LRRTM3: variants seen among roughly 807,000 people sequenced by gnomAD.
The protein encoded by LRRTM3 is leucine-rich repeat transmembrane neuronal protein 3.
Under a neutral mutation model 44.7 loss-of-function variants are expected in LRRTM3, and 24 were observed. The ratio of observed to expected loss-of-function variants is 0.54; its 90% confidence interval spans 0.39 to 0.76. The LOEUF (loss-of-function observed/expected upper bound fraction) is 0.76. Ranked by LOEUF, LRRTM3 falls within the 30% of genes least tolerant of loss-of-function variation. LRRTM3 has a pLI of 0.00. For synonymous variants in LRRTM3, 277 were observed against 278.7 expected (o/e 0.99, Z 0.06); for missense variants, 587 against 702.2 (o/e 0.84, Z 1.85).
At chr10:67,054,972 C>G (rs1278581885) in intron 2 of LRRTM3, 4 of 151,916 alleles carry the variant, frequency 2.6e-5, no homozygotes, top group Non-Finnish European at 4.4e-5. Context: ...TATACAATAA[C>G]TTTCCTCCAA....
intron 2 of LRRTM3, among the ~76,000 whole-genome samples, chr10:67,077,535 C>T (rs1856802456): frequency 6.6e-6 from 1 of 152,136 alleles, no homozygotes; most frequent in Non-Finnish European, 1.5e-5. Context: ...GTTACCTTGG[C>T]TTGAAGCATG....
At chr10:67,006,586 T>A (rs1852005989) in intron 2 of LRRTM3, among the ~76,000 whole-genome samples, 1 of 152,200 alleles carries the variant, frequency 6.6e-6, no homozygotes, top group African/African-American at 2.4e-5. Context: ...AAGTCTCAAT[T>A]ATTTAAGAGA....
intron 2 of LRRTM3, among the ~76,000 whole-genome samples, chr10:67,069,947 G>A (rs1856344500): frequency 6.6e-6 from 1 of 152,056 alleles, no homozygotes; most frequent in Admixed American, 6.6e-5. Context: ...GAATTACTGG[G>A]TCATGGGATA....
At chr10:66,972,195 T>C (rs1849759238) in intron 2 of LRRTM3, among the ~76,000 whole-genome samples, 2 of 152,216 alleles carry the variant, frequency 1.3e-5, no homozygotes, top group South Asian at 4.1e-4. Flanking sequence ...TTCACTGGAA[T>C]GAACAAAGAT....
At chr10:67,029,411 G>A (rs1350888887) in intron 2 of LRRTM3, among the ~76,000 whole-genome samples, 1 of 152,134 alleles carries the variant, frequency 6.6e-6, no homozygotes, top group Non-Finnish European at 1.5e-5. Flanking sequence ...ATAAAGAGAG[G>A]TTAAAGCAGT....
chr10:67,070,278 G>A (rs1856367392), intron 2 of LRRTM3, among the ~76,000 whole-genome samples: 1 of 151,978 alleles, frequency 6.6e-6, no homozygotes, highest in Admixed American at 6.6e-5. Context: ...ATTTGCAGGA[G>A]TTCTTATGTA....
chr10:66,989,911 T>C (rs910090886), intron 2 of LRRTM3, among the ~76,000 whole-genome samples: 1 of 152,128 alleles, frequency 6.6e-6, no homozygotes, highest in African/African-American at 2.4e-5. Flanking sequence ...GTTCCTGGCA[T>C]TTAGTGTTCA....
intron 2 of LRRTM3, among the ~76,000 whole-genome samples, chr10:66,958,981 T>G (rs1166259061): frequency 6.6e-6 from 1 of 152,138 alleles, no homozygotes; most frequent in Non-Finnish European, 1.5e-5. Context: ...AGAGTGTAAA[T>G]GAATTATCTC....
intron 2 of LRRTM3, among the ~76,000 whole-genome samples, chr10:66,970,909 A>T (rs750069214): frequency 3.9e-5 from 6 of 152,160 alleles, no homozygotes; most frequent in Admixed American, 2.0e-4. Flanking sequence ...TGTTCAAGCA[A>T]GAAAATTCCC....
chr10:66,961,115 G>A lies in LRRTM3; in HGVS notation c.1536+32663G>A, dbSNP rs998882202. ...AAATGTTCAATAGCAAGGTCTTCTAGCAAGTCTAGAAACTGCCATCATTTC... is the reference window on the plus strand; with the variant it reads ...AAATGTTCAATAGCAAGGTCTTCTAACAAGTCTAGAAACTGCCATCATTTC... On this transcript the variant is annotated intron_variant, in intron 2 of 2. Transcript: ENST00000361320. Among the ~76,000 whole-genome samples the A allele has an allele frequency of 3.3e-5, 5 of 152,202 alleles. No individual in the cohort carries two copies. The South Asian group carries it at 8.3e-4, about 25-fold the overall frequency.
At chr10:67,082,621 C>G (rs1464070943) in intron 2 of LRRTM3, among the ~76,000 whole-genome samples, 1 of 151,938 alleles carries the variant, frequency 6.6e-6, no homozygotes, top group Non-Finnish European at 1.5e-5. Context: ...TCAGCTGGCC[C>G]GCAGGAGAAA....
chr10:67,011,381 T>C (rs1031015612), intron 2 of LRRTM3, among the ~76,000 whole-genome samples: 2 of 148,748 alleles, frequency 1.3e-5, no homozygotes, highest in East Asian at 3.9e-4. Context: ...TTTTTAATAA[T>C]AAACTATTCA....
At chr10:66,953,763 A>G (rs1327789573) in intron 2 of LRRTM3, among the ~76,000 whole-genome samples, 1 of 152,088 alleles carries the variant, frequency 6.6e-6, no homozygotes, top group Non-Finnish European at 1.5e-5. Flanking sequence ...TCCTAAGATA[A>G]TATTAGATGA....
At chr10:66,950,144 G>A (rs565642754) in intron 2 of LRRTM3, among the ~76,000 whole-genome samples, 1 of 152,094 alleles carries the variant, frequency 6.6e-6, no homozygotes, top group African/African-American at 2.4e-5. Context: ...CTGGAACATT[G>A]CTTTTTGACA....
At chr10:66,961,394 A>G (rs933678883) in intron 2 of LRRTM3, among the ~76,000 whole-genome samples, 12 of 152,146 alleles carry the variant, frequency 7.9e-5, no homozygotes, top group Admixed American at 3.9e-4. Context: ...TGTCAGCACT[A>G]TTTGACACAG....
At chr10:67,073,499 T>C (rs772679094) in intron 2 of LRRTM3, among the ~76,000 whole-genome samples, 22 of 152,210 alleles carry the variant, frequency 1.4e-4, no homozygotes, top group Non-Finnish European at 2.8e-4. Flanking sequence ...GTAAAAACTC[T>C]CGTTTGTCAA....
chr10:66,974,324 T>C (rs1849900430), intron 2 of LRRTM3, among the ~76,000 whole-genome samples: 1 of 152,220 alleles, frequency 6.6e-6, no homozygotes, highest in Non-Finnish European at 1.5e-5. Flanking sequence ...AAGTGCTTCT[T>C]AGCAGTTCAT....
chr10:67,085,375 T>C (rs567805983), intron 2 of LRRTM3, among the ~76,000 whole-genome samples: 2 of 151,506 alleles, frequency 1.3e-5, no homozygotes, highest in Non-Finnish European at 3.0e-5. Context: ...AATTTGTAAA[T>C]GCTAGATGCA....
intron 2 of LRRTM3, among the ~76,000 whole-genome samples, chr10:66,979,069 A>T (rs1380758488): frequency 6.9e-6 from 1 of 145,210 alleles, no homozygotes; most frequent in Admixed American, 7.4e-5. Context: ...GGCTCAAGAG[A>T]TTCTCCTGCC....
Sources: allele counts gnomAD v4.1 joint callset (sites outside exome capture counted in the v4.1 genomes callset), GRCh38; gene constraint gnomAD v4.1.1; transcripts MANE v1.5; gene names NCBI Gene and HGNC (gene_info 2026-07-23, HGNC 2026-07-21).